The following ZDHHC7 variants were observed in gnomAD, a reference collection of about 807,000 sequenced individuals.
The protein encoded by ZDHHC7 is zDHHC palmitoyltransferase 7, also known as palmitoyltransferase ZDHHC7.
A neutral mutation model predicts 34.1 loss-of-function variants in ZDHHC7; 12 were observed. The observed-to-expected ratio is 0.35, with a 90% CI of 0.23 to 0.57. The LOEUF (loss-of-function observed/expected upper bound fraction) is 0.57, where lower values mean the gene tolerates loss of function less well. ZDHHC7 is among the 20% of genes least tolerant of loss of function. The pLI is 0.84. For missense variants in ZDHHC7, 388 were observed against 402.7 expected (o/e 0.96, Z 0.31); for synonymous variants, 185 against 155.4 (o/e 1.19, Z -1.42).
At chr16:85,007,509 A>G (rs1360653356) in intron 1 of ZDHHC7, among the ~76,000 whole-genome samples, 2 of 151,956 alleles carry the variant, frequency 1.3e-5, no homozygotes, top group African/African-American at 2.4e-5. Context: ...GTTTGTAAAT[A>G]GAAGTGAAGA....
chr16:85,014,708 C>CT (rs1182316654), upstream of ZDHHC7, among the ~76,000 whole-genome samples: 1 of 152,172 alleles, frequency 6.6e-6, no homozygotes, highest in Non-Finnish European at 1.5e-5. Flanking sequence ...GAGACAAACT[C>CT]TGTGAAATAT....
At chr16:85,015,605 T>C (rs1292223420), upstream of ZDHHC7, among the ~76,000 whole-genome samples, 2 of 152,214 alleles carry the variant, frequency 1.3e-5, no homozygotes, top group East Asian at 3.9e-4. Flanking sequence ...AATCCCAGCA[T>C]ACTGGGGGGC....
chr16:84,997,841 CGAG>C (rs1740308457), intron 1 of ZDHHC7, among the ~76,000 whole-genome samples: 1 of 137,874 alleles, frequency 7.3e-6, no homozygotes, highest in African/African-American at 2.7e-5. Flanking sequence ...TGCAGTGGGC[CGAG>C]ATGGCGCCAC....
chr16:85,003,863 G>GA (rs2072683121), intron 1 of ZDHHC7, among the ~76,000 whole-genome samples: 1 of 152,054 alleles, frequency 6.6e-6, no homozygotes, highest in Non-Finnish European at 1.5e-5. Context: ...GGGCCTGGGG[G>GA]ACAACACTGA....
At chr16:84,994,341 G>C (rs3848248) in intron 2 of ZDHHC7, among the ~76,000 whole-genome samples, 21,073 of 152,248 alleles carry the variant, frequency 0.14, 1,798 homozygotes, top group East Asian at 0.33. Context: ...TGTGGGCCCA[G>C]GTACATCAAG....
intron 3 of ZDHHC7, chr16:84,988,892 G>C (rs1597543510): frequency 6.4e-7 from 1 of 1,551,050 alleles, no homozygotes; most frequent in East Asian, 2.4e-5. Flanking sequence ...CAATATTCCA[G>C]TAAAAATCGC....
At chr16:85,027,224 T>C in the ZDHHC7 span, among the ~76,000 whole-genome samples, 4 of 152,210 alleles carry the variant, frequency 2.6e-5, no homozygotes, top group Non-Finnish European at 5.9e-5. Context: ...GCCGGACATT[T>C]TTCTTTTTTA....
At chr16:84,998,357 G>T (rs1396720305) in intron 1 of ZDHHC7, among the ~76,000 whole-genome samples, 1 of 152,148 alleles carries the variant, frequency 6.6e-6, no homozygotes, top group East Asian at 1.9e-4. Flanking sequence ...AAGGGCGCAA[G>T]CAGATCTCCT....
chr16:85,023,297 G>A, the ZDHHC7 span, among the ~76,000 whole-genome samples: 1 of 151,758 alleles, frequency 6.6e-6, no homozygotes, highest in Non-Finnish European at 1.5e-5. Flanking sequence ...CTCCGGAGTA[G>A]CTGGAATTAC....
the ZDHHC7 span, among the ~76,000 whole-genome samples, chr16:85,020,318 G>T: frequency 6.6e-6 from 1 of 152,198 alleles, no homozygotes; most frequent in Non-Finnish European, 1.5e-5. Flanking sequence ...TTCAACAAGT[G>T]TACCTGGTAC....
Position 84,975,802 on chromosome 16 carries a change from G to A in ZDHHC7, c.*541C>T, listed in dbSNP as rs886817117. The A allele has an allele frequency of 1.9e-5, 3 of 156,178 alleles. No individual in the cohort carries two copies. Among genetic ancestry groups the A allele is most frequent in the African/African-American group, 7.2e-5 (3 of 41,500 alleles). The allele number at this position is 156,178 out of a possible 1,614,324, so 9.7% of individuals were successfully genotyped here. On this transcript the variant is annotated 3_prime_UTR_variant, in exon 8 of 8. Coordinates refer to ENST00000313732, the MANE Select transcript of ZDHHC7 (RefSeq NM_017740.3). ...AGGATGTCTCTTCCGGGGCAGCGGGGAGTGTGCCGGAAGCCACCTTCACTG... is the reference window on the plus strand; with the variant it reads ...AGGATGTCTCTTCCGGGGCAGCGGGAAGTGTGCCGGAAGCCACCTTCACTG...
chr16:85,017,533 C>A, the ZDHHC7 span, among the ~76,000 whole-genome samples: 1 of 152,164 alleles, frequency 6.6e-6, no homozygotes, highest in African/African-American at 2.4e-5. Flanking sequence ...TCCATAATAG[C>A]CCCAAACTTG....
At chr16:85,025,706 C>T in the ZDHHC7 span, among the ~76,000 whole-genome samples, 1 of 152,228 alleles carries the variant, frequency 6.6e-6, no homozygotes, top group Non-Finnish European at 1.5e-5. Context: ...CCGCGCCCGG[C>T]CCCCTCTCTT....
At chr16:85,019,397 C>A in the ZDHHC7 span, among the ~76,000 whole-genome samples, 1 of 152,138 alleles carries the variant, frequency 6.6e-6, no homozygotes, top group East Asian at 1.9e-4. Flanking sequence ...GCCTGGGCAA[C>A]AGAGTGAGAC....
chr16:84,991,277 C>A (rs951438195), intron 2 of ZDHHC7, among the ~76,000 whole-genome samples: 1 of 151,782 alleles, frequency 6.6e-6, no homozygotes, highest in African/African-American at 2.4e-5. Context: ...TCTAGAATGC[C>A]CTTCATCTCT....
Position 84,976,070 on chromosome 16 carries a change from G to A in ZDHHC7, c.*273C>T, listed in dbSNP as rs564509776. 2 of 454,628 alleles carry A rather than the reference G, an allele frequency of 4.4e-6. No individual in the cohort carries two copies. Among genetic ancestry groups the A allele is most frequent in the Admixed American group, 4.2e-5 (1 of 24,002 alleles). The allele number at this position is 454,628 out of a possible 1,614,324, so 28.2% of individuals were successfully genotyped here. Reference sequence around the variant, plus strand: ...TGAATAACCCATGTAATAACCCGAAGTATTCTCCACAGAAGCCCCAGCTCT... The same window carrying A: ...TGAATAACCCATGTAATAACCCGAAATATTCTCCACAGAAGCCCCAGCTCT... On this transcript the variant is annotated 3_prime_UTR_variant, in exon 8 of 8. Coordinates refer to ENST00000313732, the MANE Select transcript of ZDHHC7 (RefSeq NM_017740.3).
chr16:85,004,199 A>C (rs2072688420), intron 1 of ZDHHC7, among the ~76,000 whole-genome samples: 1 of 151,866 alleles, frequency 6.6e-6, no homozygotes, highest in Non-Finnish European at 1.5e-5. Context: ...CACCCAAAAA[A>C]AAAGGCCCCG....
chr16:84,975,746 CGCACACACACAGACTT>C lies in ZDHHC7; in HGVS notation c.*581_*596del, dbSNP rs1296470704. ...ACACACGCGCGCACACGCACAGACA[CGCACACACACAGACTT>C]GCTGAGAGGGTCAAAGGATGTCTCT... On this transcript the variant is annotated 3_prime_UTR_variant, in exon 8 of 8. Transcript: ENST00000313732. 1 of 154,656 alleles carries C rather than the reference CGCACACACACAGACTT, an allele frequency of 6.5e-6. No homozygotes were observed. The highest frequency in any genetic ancestry group is 1.4e-5 in the Non-Finnish European group (1 of 69,602). The allele number at this position is 154,656 out of a possible 1,614,324, so 9.6% of individuals were successfully genotyped here. A position where few individuals can be genotyped will look rare whatever the true frequency, so the allele number is the denominator to read the frequency against.
chr16:84,980,308 C>T (rs546902244), intron 4 of ZDHHC7, among the ~76,000 whole-genome samples: 2 of 152,048 alleles, frequency 1.3e-5, no homozygotes, highest in East Asian at 1.9e-4. Context: ...GCTCCCTGCC[C>T]GACCTCCACA....
Sources: allele counts gnomAD v4.1 joint callset (sites outside exome capture counted in the v4.1 genomes callset), GRCh38; gene constraint gnomAD v4.1.1; transcripts MANE v1.5; gene names NCBI Gene and HGNC (gene_info 2026-07-23, HGNC 2026-07-21).